The following RIMBP2 variants were observed in gnomAD, a reference collection of about 807,000 sequenced individuals.
The protein encoded by RIMBP2 is RIMS binding protein 2.
RIMBP2 carries 48 observed loss-of-function variants against 118.6 expected under a neutral mutation model. The ratio of observed to expected loss-of-function variants is 0.40; its 90% CI spans 0.32 to 0.51. The LOEUF (loss-of-function observed/expected upper bound fraction) is 0.51. RIMBP2 is among the 20% of genes least tolerant of loss of function. The probability of loss-of-function intolerance (pLI) is 0.41; values close to 1 mark genes in which losing one functional copy is unlikely to be tolerated. For missense variants in RIMBP2, 1,551 were observed against 1,768.3 expected (o/e 0.88, Z 2.20); for synonymous variants, 762 against 742.9 (o/e 1.03, Z -0.42).
At chr12:130,610,192 G>A (rs1594026799) in intron 2 of RIMBP2, among the ~76,000 whole-genome samples, 1 of 151,122 alleles carries the variant, frequency 6.6e-6, no homozygotes, top group Non-Finnish European at 1.5e-5. Flanking sequence ...GGGGAAAATG[G>A]GAAGTCTGCT....
At chr12:130,397,594 CAACAGA>C in intron 22 of RIMBP2, 45 bp from the exon 23 acceptor site, 1 of 398,672 alleles carries the variant, frequency 2.5e-6, no homozygotes, top group Non-Finnish European at 4.4e-6. Context: ...TGAGCGCCAA[CAACAGA>C]ATTCACTTGG....
At chr12:130,432,165 T>C (rs1363424303) in intron 14 of RIMBP2, 2 of 451,840 alleles carry the variant, frequency 4.4e-6, no homozygotes, top group East Asian at 7.0e-5. Flanking sequence ...GGGAAGGTGA[T>C]GATTCACTCC....
At chr12:130,550,795 C>A (rs992223344) in intron 2 of RIMBP2, among the ~76,000 whole-genome samples, 2 of 152,212 alleles carry the variant, frequency 1.3e-5, no homozygotes, top group East Asian at 1.9e-4. Flanking sequence ...AAAAGGTAAT[C>A]TCTGTCCTCA....
intron 1 of RIMBP2, among the ~76,000 whole-genome samples, chr12:130,672,027 A>C (rs1594180859): frequency 6.6e-6 from 1 of 152,166 alleles, no homozygotes; most frequent in Non-Finnish European, 1.5e-5. Flanking sequence ...AGATGATATG[A>C]TATGGTTTCA....
intron 1 of RIMBP2, among the ~76,000 whole-genome samples, chr12:130,654,640 T>C (rs1448871513): frequency 6.6e-6 from 1 of 152,250 alleles, no homozygotes; most frequent in Admixed American, 6.5e-5. Context: ...TTTATAGCAA[T>C]GCCCCACTCC....
chr12:130,568,237 C>T (rs2057372374), intron 2 of RIMBP2, among the ~76,000 whole-genome samples: 1 of 152,196 alleles, frequency 6.6e-6, no homozygotes, highest in African/African-American at 2.4e-5. Context: ...AGAGGGGAGA[C>T]CCAGGATATC....
At chr12:130,589,965 C>T (rs1265319096) in intron 2 of RIMBP2, among the ~76,000 whole-genome samples, 1 of 152,190 alleles carries the variant, frequency 6.6e-6, no homozygotes, top group African/African-American at 2.4e-5. Context: ...CCCCCTCGGG[C>T]TCCCCAGGTG....
At position 130,576,123 on chromosome 12, in the gene RIMBP2, C is replaced by G. The variant is rs745629456; in HGVS notation, c.-217+52199G>C. Among the ~76,000 whole-genome samples the G allele has an allele frequency of 1.3e-5, 2 of 151,028 alleles. No individual in the cohort carries two copies. Among genetic ancestry groups the G allele is most frequent in the African/African-American group, 2.4e-5 (1 of 41,006 alleles). ...GGGGGACCGTTAGGCAAAGGGGCTG[C>G]GGACAGGTGAGGGGGAGGAGGGGGC... On this transcript the variant is annotated intron_variant, in intron 2 of 22. Transcript: ENST00000690449. This position sits in a 1 kb window ranked among gnomAD's most constrained non-coding sequence, Gnocchi z 4.2.
At chr12:130,441,401 A>AAATAATCAT (rs1486168385) in intron 11 of RIMBP2, among the ~76,000 whole-genome samples, 3 of 122,896 alleles carry the variant, frequency 2.4e-5, no homozygotes, top group East Asian at 5.5e-4. Flanking sequence ...ACTCCATCTC[A>AAATAATCAT]AATAATAATA....
intron 20 of RIMBP2, 73 bp from the exon 21 acceptor site, chr12:130,406,316 T>G: frequency 1.0e-6 from 1 of 974,498 alleles, no homozygotes; most frequent in Non-Finnish European, 1.6e-6. Flanking sequence ...ATAAGTTCTC[T>G]ATGCTTTCCC....
chr12:130,569,594 G>T (rs1327725474), intron 2 of RIMBP2, among the ~76,000 whole-genome samples: 1 of 152,212 alleles, frequency 6.6e-6, no homozygotes, highest in Non-Finnish European at 1.5e-5. Flanking sequence ...GAAGTGATTG[G>T]ATCATGGTTT....
chr12:130,517,263 C>T (rs545679651), intron 3 of RIMBP2, among the ~76,000 whole-genome samples: 3 of 152,248 alleles, frequency 2.0e-5, no homozygotes, highest in South Asian at 2.1e-4. Flanking sequence ...CCCCTTGCCG[C>T]GGGGCACCCT....
chr12:130,645,156 C>G (rs572054159), intron 1 of RIMBP2, among the ~76,000 whole-genome samples: 1 of 151,212 alleles, frequency 6.6e-6, no homozygotes, highest in Non-Finnish European at 1.5e-5. Flanking sequence ...GTGGCGCAAT[C>G]TTGGCTCACT....
rs905871815 is a variant in RIMBP2, at chr12:130,524,700, T to C, written c.-216-6783A>G. 5.1e-4 allele frequency among the ~76,000 whole-genome samples: 78 copies of C among 152,030 alleles called. 2 individuals are homozygous for C. Among genetic ancestry groups the C allele is most frequent in the South Asian group, 2.1e-4 (1 of 4,822 alleles). On this transcript the variant is annotated intron_variant, in intron 2 of 22. Transcript: ENST00000690449. The stretch of plus-strand genomic sequence containing the variant: ...GGGTGTTAAGGGGATTGAAGAAGGG[T>C]CAGGCTGGAGTCAAAGAGACCAATT...
In RIMBP2 at chr12:130,422,596, G is replaced by A. The variant is rs768066497; in HGVS notation, c.3130-35C>T. The stretch of plus-strand genomic sequence containing the variant: ...AAACAACAACAAAGTCGTAAGTCTC[G>A]CCAGCATTGGGAACTGAAGAATTCA... On this transcript the variant is annotated intron_variant, in intron 16 of 22. Transcript: ENST00000690449. The surrounding 1 kb of genome is among the most constrained non-coding windows in gnomAD (Gnocchi z 5.2). 40 of 1,447,928 alleles carry A rather than the reference G, an allele frequency of 2.8e-5. No individual in the cohort carries two copies. The highest frequency in any genetic ancestry group is 1.5e-4 in the Admixed American group (8 of 51,724). The allele number at this position is 1,447,928 out of a possible 1,614,324, so 89.7% of individuals were successfully genotyped here. A position where few individuals can be genotyped will look rare whatever the true frequency, so the allele number is the denominator to read the frequency against.
chr12:130,531,982 AGG>A (rs1190499665), intron 2 of RIMBP2, among the ~76,000 whole-genome samples: 59 of 106,768 alleles, frequency 5.5e-4, no homozygotes, highest in African/African-American at 2.2e-3. Flanking sequence ...TTTAGCCTCT[AGG>A]AGGTACGTCT....
At chr12:130,527,478 C>T (rs2052928759) in intron 2 of RIMBP2, among the ~76,000 whole-genome samples, 1 of 136,446 alleles carries the variant, frequency 7.3e-6, no homozygotes, top group South Asian at 2.4e-4. Flanking sequence ...TGCAGGGAAG[C>T]ACATGGTGCT....
chr12:130,596,640 T>C (rs7303476), intron 2 of RIMBP2, among the ~76,000 whole-genome samples: 47,461 of 152,078 alleles, frequency 0.31, 7,732 homozygotes, highest in East Asian at 0.41. Flanking sequence ...AGTCACAGTG[T>C]GTAATGCGGT....
At chr12:130,708,209 G>T (rs1037443122) in intron 1 of RIMBP2, among the ~76,000 whole-genome samples, 1 of 152,164 alleles carries the variant, frequency 6.6e-6, no homozygotes, top group Non-Finnish European at 1.5e-5. Context: ...CAGCAGATTC[G>T]CAGTTGCCAG....
Sources: allele counts gnomAD v4.1 joint callset (sites outside exome capture counted in the v4.1 genomes callset), GRCh38; gene constraint gnomAD v4.1.1; non-coding constraint Gnocchi (gnomAD v3.1); transcripts MANE v1.5; gene names NCBI Gene and HGNC (gene_info 2026-07-23, HGNC 2026-07-21).